TMEM132D: variants seen among roughly 807,000 people sequenced by gnomAD.
TMEM132D encodes the protein mature OL transmembrane protein.
In TMEM132D, 21 loss-of-function variants were observed where a neutral mutation model predicts 62.3. The observed-to-expected ratio is 0.34, with a 90% CI of 0.24 to 0.49. TMEM132D has a LOEUF of 0.49. TMEM132D is among the 20% of genes least tolerant of loss of function. TMEM132D has a pLI of 0.99. For missense variants in TMEM132D, 1,346 were observed against 1,402.8 expected, an observed-to-expected ratio of 0.96 and a Z score of 0.65; for synonymous variants, 621 against 575.6, an observed-to-expected ratio of 1.08 and a Z score of -1.13.
At chr12:129,828,886 G>A (rs1180118115) in intron 1 of TMEM132D, among the ~76,000 whole-genome samples, 7 of 150,588 alleles carry the variant, frequency 4.6e-5, no homozygotes, top group Admixed American at 3.3e-4. Flanking sequence ...GAGAGAAACA[G>A]GCAAAATTAT....
chr12:129,527,293 T>C (rs1876076981), intron 3 of TMEM132D, among the ~76,000 whole-genome samples: 1 of 152,152 alleles, frequency 6.6e-6, no homozygotes, highest in African/African-American at 2.4e-5. Flanking sequence ...TGGGCAACAG[T>C]GTGAGACCTT....
In TMEM132D at chr12:129,081,919, GC is replaced by G. The variant is rs1177212186; in HGVS notation, c.1762del (p.Ala588ProfsTer22). 6.2e-7 allele frequency: 1 copy of G among 1,613,990 alleles called. No individual in the cohort carries two copies. Among genetic ancestry groups the G allele is most frequent in the Non-Finnish European group, 8.5e-7 (1 of 1,180,014 alleles). ...GTGGGCCAGGTGTCCCCCAGGGCCG[GC>G]CGCCTCAGCCACAAACTGCGTCAGG... ...RVLTQFVAEAAGPGGHLAHLL... is the reference protein window; with the variant it reads ...RVLTQFVAEAXGPGGHLAHLL... On this transcript the variant is annotated frameshift_variant, in exon 7 of 9. Coordinates refer to ENST00000422113, the MANE Select transcript of TMEM132D (RefSeq NM_133448.3). LOFTEE classifies it high-confidence loss of function.
chr12:129,893,406 C>T (rs1874996393), intron 1 of TMEM132D, among the ~76,000 whole-genome samples: 1 of 146,200 alleles, frequency 6.8e-6, no homozygotes. Flanking sequence ...CCTCCCCACC[C>T]TACCCACCCT....
intron 3 of TMEM132D, among the ~76,000 whole-genome samples, chr12:129,503,983 ATCATCATCATTATTG>A (rs1293703272): frequency 6.7e-4 from 43 of 64,048 alleles, no homozygotes; most frequent in Admixed American, 3.7e-3. Context: ...CACTATTGTC[ATCATCATCATTATTG>A]TCATCATTAC....
rs547083322 is a variant in TMEM132D at position 129,377,845 on chromosome 12, T to C, written c.1116-40028A>G. On this transcript the variant is annotated intron_variant, in intron 3 of 8. Transcript: ENST00000422113. Reference sequence around the variant, plus strand: ...TCCTTTTTCCCATCCATATTTTCCTTCCATGTGGACACCCTTAAGTAATTA... The same window carrying C: ...TCCTTTTTCCCATCCATATTTTCCTCCCATGTGGACACCCTTAAGTAATTA... 1.2e-4 allele frequency among the ~76,000 whole-genome samples: 18 copies of C among 152,354 alleles called. No homozygotes were observed. In the East Asian group the frequency reaches 3.5e-3, roughly 29 times the overall value.
At chr12:129,727,776 C>T (rs1480922103) in intron 1 of TMEM132D, among the ~76,000 whole-genome samples, 1 of 151,872 alleles carries the variant, frequency 6.6e-6, no homozygotes, top group Non-Finnish European at 1.5e-5. Context: ...TAATAGGTAT[C>T]ACTGGAAGAA....
At chr12:129,453,501 T>A (rs117292494) in intron 3 of TMEM132D, among the ~76,000 whole-genome samples, 1 of 152,180 alleles carries the variant, frequency 6.6e-6, no homozygotes, top group African/African-American at 2.4e-5. Flanking sequence ...AACCTCACAC[T>A]CTCTGAAGTC....
rs1874464130 is a variant in TMEM132D at position 129,081,919 on chromosome 12, G to T, written c.1763C>A (p.Ala588Asp). Reference protein sequence around the residue: ...RVLTQFVAEAAGPGGHLAHLL... With the variant: ...RVLTQFVAEADGPGGHLAHLL... ...GTGGGCCAGGTGTCCCCCAGGGCCG[G>T]CCGCCTCAGCCACAAACTGCGTCAG... The change falls in exon 7 of 9, where the codon GCC becomes GAC. Residue 588 changes from alanine to aspartate, a missense_variant. By Grantham distance (126) the Ala-to-Asp change is moderately radical (BLOSUM62 -2). Transcript: ENST00000422113. The T allele has an allele frequency of 6.2e-7, 1 of 1,613,872 alleles. No individual in the cohort carries two copies. The highest frequency in any genetic ancestry group is 1.1e-5 in the South Asian group (1 of 91,086).
intron 1 of TMEM132D, among the ~76,000 whole-genome samples, chr12:129,854,231 C>G (rs771370306): frequency 6.6e-6 from 1 of 152,192 alleles, no homozygotes; most frequent in Non-Finnish European, 1.5e-5. Flanking sequence ...TGAACTTTCA[C>G]TATGTCCCAG....
intron 3 of TMEM132D, among the ~76,000 whole-genome samples, chr12:129,376,709 C>T (rs1870791189): frequency 6.6e-6 from 1 of 152,124 alleles, no homozygotes; most frequent in African/African-American, 2.4e-5. Context: ...GGAGACTAGT[C>T]CTGAATAATC....
rs531744822 is a variant in TMEM132D at position 129,242,133 on chromosome 12, A to G, written c.1300-32470T>C. Among the ~76,000 whole-genome samples the G allele has an allele frequency of 2.0e-5, 3 of 152,344 alleles. No homozygotes were observed. The South Asian group carries it at 6.2e-4, about 32-fold the overall frequency. Reference sequence around the variant, plus strand: ...CCTAAACCATAATGCCCTTCCAAAAATGGCCCTTGGCCCTATTTTCTTAGG... The same window carrying G: ...CCTAAACCATAATGCCCTTCCAAAAGTGGCCCTTGGCCCTATTTTCTTAGG... On this transcript the variant is annotated intron_variant, in intron 4 of 8. Coordinates refer to ENST00000422113, the MANE Select transcript of TMEM132D (RefSeq NM_133448.3).
chr12:129,153,766 C>T (rs1877148223), intron 5 of TMEM132D, among the ~76,000 whole-genome samples: 1 of 152,124 alleles, frequency 6.6e-6, no homozygotes, highest in Non-Finnish European at 1.5e-5. Context: ...GAAGCAGAAG[C>T]ATCAGGCGGA....
At chr12:129,188,020 G>A (rs1236078782) in intron 5 of TMEM132D, among the ~76,000 whole-genome samples, 4 of 152,294 alleles carry the variant, frequency 2.6e-5, no homozygotes, top group Middle Eastern at 6.8e-3. Context: ...TTAACATGAC[G>A]CGGTAGACTG....
rs1441072724 is a variant in TMEM132D at position 129,337,938 on chromosome 12, C to T, written c.1116-121G>A. The T allele has an allele frequency of 7.9e-6, 8 of 1,017,522 alleles. No homozygotes were observed. The African/African-American group carries it at 9.7e-5, about 12-fold the overall frequency. The allele number at this position is 1,017,522 out of a possible 1,614,324, so 63.0% of individuals were successfully genotyped here. ...ACCTCCACATGGAACCAAGCGCACACATCTCTGCAAAGAGCATTCAGAGAT... is the reference window on the plus strand; with the variant it reads ...ACCTCCACATGGAACCAAGCGCACATATCTCTGCAAAGAGCATTCAGAGAT... On this transcript the variant is annotated intron_variant, in intron 3 of 8. Transcript: ENST00000422113.
intron 5 of TMEM132D, among the ~76,000 whole-genome samples, chr12:129,131,529 C>T (rs994190883): frequency 1.3e-5 from 2 of 152,086 alleles, no homozygotes; most frequent in African/African-American, 4.8e-5. Flanking sequence ...ATCGCTTGAA[C>T]GCAGGAGGTG....
chr12:129,408,663 C>CT (rs1333183851), intron 3 of TMEM132D, among the ~76,000 whole-genome samples: 2 of 151,414 alleles, frequency 1.3e-5, no homozygotes, highest in African/African-American at 4.8e-5. Flanking sequence ...CCTAAAATTT[C>CT]TGGGTCACGA....
At chr12:129,623,464 T>C (rs562337281) in intron 2 of TMEM132D, among the ~76,000 whole-genome samples, 6 of 152,176 alleles carry the variant, frequency 3.9e-5, no homozygotes, top group Non-Finnish European at 7.4e-5. Context: ...ATGTCCATTA[T>C]ACCACTCTCT....
At chr12:129,545,610 A>C (rs528774982) in intron 2 of TMEM132D, among the ~76,000 whole-genome samples, 1 of 150,832 alleles carries the variant, frequency 6.6e-6, no homozygotes, top group Non-Finnish European at 1.5e-5. Context: ...TTGCACAGCA[A>C]CTCCCCATTC....
At chr12:129,322,592 C>A (rs1050120319) in intron 4 of TMEM132D, among the ~76,000 whole-genome samples, 1 of 151,946 alleles carries the variant, frequency 6.6e-6, no homozygotes, top group East Asian at 1.9e-4. Context: ...TACTACAAGG[C>A]AAATTCCTTT....
Sources: gnomAD v4.1 joint callset for allele counts (sites outside exome capture counted in the v4.1 genomes callset) on GRCh38, gnomAD v4.1.1 for gene constraint, MANE v1.5 for transcripts, NCBI Gene and HGNC (gene_info 2026-07-23, HGNC 2026-07-21) for gene names.